The following BTAF1 variants were observed in gnomAD, a reference collection of about 807,000 sequenced individuals.
BTAF1 encodes B-TFIID TATA-box binding protein associated factor 1, also known as TATA-binding protein-associated factor 172.
BTAF1 carries 38 observed loss-of-function variants against 227.1 expected under a neutral mutation model. That is an observed-to-expected ratio of 0.17 (90% confidence interval 0.13 to 0.22). The LOEUF (loss-of-function observed/expected upper bound fraction) is 0.22, where lower values mean the gene tolerates loss of function less well. Among genes scored for constraint, BTAF1 ranks in the 10% least tolerant of loss-of-function variants. BTAF1 has a pLI of 1.00. For missense variants in BTAF1, 1,598 were observed against 2,204.0 expected (o/e 0.73, Z 5.51); for synonymous variants, 742 against 751.9 (o/e 0.99, Z 0.21).
At chr10:91,950,147 G>GT (rs201354355) in intron 4 of BTAF1, among the ~76,000 whole-genome samples, 3 of 35,774 alleles carry the variant, frequency 8.4e-5, no homozygotes, top group Admixed American at 4.0e-4. Context: ...CTTGTCCTTT[G>GT]TGGGGGGGGG....
At position 92,014,045 on chromosome 10, in the gene BTAF1, TTTATCATTG is replaced by T; in HGVS notation, c.4584+20_4584+28del. ...TCCTCTCCAGGTTAGGAATCTCGTG[TTTATCATTG>T]TTAGTGGTATGTTTATTAGCAGATT... On this transcript the variant is annotated intron_variant, in intron 32 of 37. Transcript: ENST00000265990. 6.2e-7 allele frequency: 1 copy of T among 1,600,770 alleles called. No homozygotes were observed. The highest frequency in any genetic ancestry group is 8.5e-7 in the Non-Finnish European group (1 of 1,175,524).
chr10:91,942,366 C>A, intron 3 of BTAF1, 56 bp from the exon 4 acceptor site: 1 of 1,440,338 alleles, frequency 6.9e-7, no homozygotes. Context: ...ATGCTATTTT[C>A]TTTCATTCCA....
At chr10:91,940,320 ATTAC>A (rs1231954935) in intron 3 of BTAF1, among the ~76,000 whole-genome samples, 1 of 152,092 alleles carries the variant, frequency 6.6e-6, no homozygotes, top group Non-Finnish European at 1.5e-5. Context: ...TACAAGGGTT[ATTAC>A]TTCCCTTCAA....
chr10:92,020,853 T>A (rs1851070281), intron 34 of BTAF1, among the ~76,000 whole-genome samples: 1 of 152,232 alleles, frequency 6.6e-6, no homozygotes, highest in African/African-American at 2.4e-5. Context: ...ATATTTGAAT[T>A]TTACATAGGT....
rs112836661 is a variant in BTAF1 at position 91,965,412 on chromosome 10, A to G, written c.1529+1211A>G. Among the ~76,000 whole-genome samples, 528 of 152,296 alleles carry G rather than the reference A, an allele frequency of 3.5e-3. 11 individuals carry two copies. Among genetic ancestry groups the G allele is most frequent in the African/African-American group, 0.012 (493 of 41,568 alleles). ...CACTGTAGTGTGAAAACAGCTGTAC[A>G]TGGGTAATACATAAGAGAATGAACG... On this transcript the variant is annotated intron_variant, in intron 13 of 37. Coordinates refer to ENST00000265990, the MANE Select transcript of BTAF1 (RefSeq NM_003972.3).
rs1294144688 is a variant in BTAF1 at position 92,030,984 on chromosome 10, C to T, written c.*2051C>T. Among the ~76,000 whole-genome samples, 1 of 152,066 alleles carries T rather than the reference C, an allele frequency of 6.6e-6. No homozygotes were observed. Among genetic ancestry groups the T allele is most frequent in the Non-Finnish European group, 1.5e-5 (1 of 68,016 alleles). ...CTGAGTAATGAATGATATTAAAGAA[C>T]TGCTGTCAATTTCATGGATGTGATG... On this transcript the variant is annotated 3_prime_UTR_variant, in exon 38 of 38. Transcript: ENST00000265990.
At position 91,998,127 on chromosome 10, in the gene BTAF1, C is replaced by CA. The variant is rs55642022; in HGVS notation, c.3660+392dup. 3.5e-3 allele frequency among the ~76,000 whole-genome samples: 350 copies of CA among 99,364 alleles called. 5 individuals are homozygous for CA. Among genetic ancestry groups the CA allele is most frequent in the African/African-American group, 0.012 (331 of 27,732 alleles). The allele number at this position is 99,364 out of a possible 152,430, so 65.2% of individuals were successfully genotyped here. A position where few individuals can be genotyped will look rare whatever the true frequency, so the allele number is the denominator to read the frequency against. On this transcript the variant is annotated intron_variant, in intron 25 of 37. Transcript: ENST00000265990. ...CCTGGGCGACAGCGAGACTCCATCT[C>CA]AAAAAAAAAAAAAAAAGAAAAGAAA...
In BTAF1 at chr10:91,959,792, A is replaced by G. The variant is rs1193757584; in HGVS notation, c.998A>G (p.Gln333Arg). ...MGDSTLEEMI[Q>R]QHQEWLEDLV... The stretch of plus-strand genomic sequence containing the variant: ...TATATTATATTTTAACAGATGATTC[A>G]GCAGCATCAAGAGTGGTTGGAAGAC... Residue 333 changes from glutamine (Q) to arginine (R), a missense_variant, in exon 10 of 38, where the codon CAG (glutamine) becomes CGG (arginine). Gln to Arg is a conservative substitution (Grantham distance 43). Around this residue, in one of 10 missense-constraint regions of BTAF1, gnomAD observed 298 missense variants for 395.2 expected, o/e 0.75. Coordinates refer to ENST00000265990, the MANE Select transcript of BTAF1 (RefSeq NM_003972.3). 2 of 1,530,530 alleles carry G rather than the reference A, an allele frequency of 1.3e-6. No individual in the cohort carries two copies. The highest frequency in any genetic ancestry group is 1.8e-6 in the Non-Finnish European group (2 of 1,129,316). 94.8% of individuals were successfully genotyped at this position (1,530,530 alleles called of 1,614,324 possible). A position where few individuals can be genotyped will look rare whatever the true frequency, so the allele number is the denominator to read the frequency against.
At chr10:91,969,486 T>G (rs914480590) in intron 14 of BTAF1, among the ~76,000 whole-genome samples, 1 of 152,192 alleles carries the variant, frequency 6.6e-6, no homozygotes, top group African/African-American at 2.4e-5. Context: ...TATAGCATAC[T>G]GTGGGAATAT....
At position 92,016,401 on chromosome 10, in the gene BTAF1, C is replaced by A; in HGVS notation, c.4646C>A (p.Ser1549Tyr). The A allele has an allele frequency of 6.2e-7, 1 of 1,601,080 alleles. No individual in the cohort carries two copies. Among genetic ancestry groups the A allele is most frequent in the Non-Finnish European group, 8.5e-7 (1 of 1,174,624 alleles). Residue 1549 changes from serine to tyrosine, a missense_variant, in exon 33 of 38, where the codon TCT (serine) becomes TAT (tyrosine). Physicochemically the swap from Ser to Tyr is moderately radical, Grantham distance 144. Coordinates refer to ENST00000265990, the MANE Select transcript of BTAF1 (RefSeq NM_003972.3). Reference sequence around the variant, plus strand: ...AAGTGTGATGTTGATGAAACAGTTTCTTCAGCTACACTTTCTGAAGAAACT... The same window carrying A: ...AAGTGTGATGTTGATGAAACAGTTTATTCAGCTACACTTTCTGAAGAAACT... ...RAKCDVDETV[S>Y]SATLSEETEK...
chr10:91,935,774 G>A lies in BTAF1; in HGVS notation c.132G>A (p.Leu44=), dbSNP rs1844565769. 2.5e-6 allele frequency: 4 copies of A among 1,604,518 alleles called. No individual in the cohort carries two copies. Among genetic ancestry groups the A allele is most frequent in the Non-Finnish European group, 3.4e-6 (4 of 1,175,178 alleles). The change falls in exon 2 of 38, where the codon CTG becomes CTA. Residue 44 remains leucine, a synonymous_variant. Coordinates refer to ENST00000265990, the MANE Select transcript of BTAF1 (RefSeq NM_003972.3). ...ATCCCCATGAACTAAATAATCTCCT[G>A]TCTAAAGTAAGAACTTTTTTTTTTC... ...KLHPHELNNL[L]SKVLIYLRSA...
intron 25 of BTAF1, among the ~76,000 whole-genome samples, chr10:92,005,004 G>C (rs1333791599): frequency 2.6e-5 from 4 of 152,154 alleles, no homozygotes; most frequent in Non-Finnish European, 1.5e-5. Context: ...TGAAGAGGCT[G>C]TCCTTTCCCC....
At position 92,028,880 on chromosome 10, in the gene BTAF1, G is replaced by A. The variant is rs369793088; in HGVS notation, c.5497G>A (p.Glu1833Lys). 2.4e-5 allele frequency: 38 copies of A among 1,607,898 alleles called. No individual in the cohort carries two copies. The highest frequency in any genetic ancestry group is 3.1e-5 in the Non-Finnish European group (36 of 1,177,836). Residue 1833 changes from glutamate to lysine, a missense_variant, in exon 38 of 38, where the codon GAG (glutamate) becomes AAG (lysine). Transcript: ENST00000265990. ...AAACCTGAGTGATCTTTGGGATCAAGAGCAGTATGATTCAGAGTACAGCCT... is the reference window on the plus strand; with the variant it reads ...AAACCTGAGTGATCTTTGGGATCAAAAGCAGTATGATTCAGAGTACAGCCT... ...LENLSDLWDQEQYDSEYSLEN... is the reference protein window; with the variant it reads ...LENLSDLWDQKQYDSEYSLEN...
chr10:91,978,836 T>TC (rs1554856980), intron 14 of BTAF1, among the ~76,000 whole-genome samples: 2 of 83,592 alleles, frequency 2.4e-5, no homozygotes, highest in Non-Finnish European at 4.7e-5. Flanking sequence ...TTTTTTTTTT[T>TC]CACTTTCATT....
At chr10:92,007,006 C>A (rs749730395) in intron 25 of BTAF1, among the ~76,000 whole-genome samples, 1 of 150,708 alleles carries the variant, frequency 6.6e-6, no homozygotes, top group Non-Finnish European at 1.5e-5. Flanking sequence ...CTGAGTTTGT[C>A]AAGGAAATTC....
intron 34 of BTAF1, among the ~76,000 whole-genome samples, chr10:92,022,137 G>T (rs910823991): frequency 2.6e-5 from 4 of 152,134 alleles, no homozygotes; most frequent in Non-Finnish European, 5.9e-5. Context: ...GAATACCAGA[G>T]TATCAATTCT....
chr10:91,975,388 A>G (rs1161344867), intron 14 of BTAF1, among the ~76,000 whole-genome samples: 4 of 152,262 alleles, frequency 2.6e-5, no homozygotes, highest in Admixed American at 6.5e-5. Flanking sequence ...GAATGCTAGC[A>G]TATTTGGGTA....
intron 14 of BTAF1, among the ~76,000 whole-genome samples, chr10:91,969,977 T>C (rs926084622): frequency 6.6e-6 from 1 of 151,012 alleles, no homozygotes; most frequent in Non-Finnish European, 1.5e-5. Flanking sequence ...AAAAAAAAAA[T>C]TCGCCTTCCA....
rs372073227 is a variant in BTAF1, at chr10:91,925,787, GGCGTGA to G, written c.14+1700_14+1705del. On this transcript the variant is annotated intron_variant, in intron 1 of 37. Coordinates refer to ENST00000265990, the MANE Select transcript of BTAF1 (RefSeq NM_003972.3). Reference sequence around the variant, plus strand: ...GGCCTCCCAAAGTGCTGGGATTACAGGCGTGAGCCACCGCGCCCAGCCAACACTAAT... The same window carrying G: ...GGCCTCCCAAAGTGCTGGGATTACAGGCCACCGCGCCCAGCCAACACTAAT... 5.6e-4 allele frequency among the ~76,000 whole-genome samples: 86 copies of G among 152,326 alleles called. 2 individuals are homozygous for G. The East Asian group carries it at 0.012, about 22-fold the overall frequency.
Sources: allele counts gnomAD v4.1 joint callset (sites outside exome capture counted in the v4.1 genomes callset), GRCh38; gene constraint gnomAD v4.1.1; regional missense constraint gnomAD v4.1.1; transcripts MANE v1.5; gene names NCBI Gene and HGNC (gene_info 2026-07-23, HGNC 2026-07-21).